NAV2: variants seen among roughly 807,000 people sequenced by gnomAD.
NAV2 encodes the protein helicase, APC down-regulated 1.
Under a neutral mutation model 223.2 loss-of-function variants are expected in NAV2, and 54 were observed. The ratio of observed to expected loss-of-function variants is 0.24; its 90% CI spans 0.19 to 0.30. The LOEUF is 0.30. Ranked by LOEUF, NAV2 falls within the 10% of genes least tolerant of loss-of-function variation. The probability of loss-of-function intolerance (pLI) is 1.00; values close to 1 mark genes in which losing one functional copy is unlikely to be tolerated. For synonymous variants in NAV2, 1,279 were observed against 1,239.3 expected, an observed-to-expected ratio of 1.03 and a Z score of -0.67; for missense variants, 2,806 against 3,147.5, an observed-to-expected ratio of 0.89 and a Z score of 2.60.
At chr11:19,849,057 T>G in intron 3 of NAV2, among the ~76,000 whole-genome samples, 1 of 152,194 alleles carries the variant, frequency 6.6e-6, no homozygotes, top group East Asian at 1.9e-4. Flanking sequence ...GATCACTCAC[T>G]ATGCACCAGA....
At chr11:19,801,506 T>G (rs934214571) in intron 1 of NAV2, among the ~76,000 whole-genome samples, 1 of 152,258 alleles carries the variant, frequency 6.6e-6, no homozygotes, top group Non-Finnish European at 1.5e-5. Context: ...GGCTTACGTC[T>G]GCCTGGATCT....
intron 1 of NAV2, among the ~76,000 whole-genome samples, chr11:19,386,011 G>A (rs11025110): frequency 0.053 from 8,046 of 152,058 alleles, 244 homozygotes; most frequent in South Asian, 0.14. Flanking sequence ...TGATCCACCC[G>A]CCCTGGCCTC....
chr11:19,782,273 C>A (rs578028221), intron 1 of NAV2, among the ~76,000 whole-genome samples: 43 of 152,164 alleles, frequency 2.8e-4, no homozygotes, highest in Middle Eastern at 3.4e-3. Flanking sequence ...TGAATTGAAA[C>A]CAAAGCATGT....
chr11:19,949,940 G>A (rs890186102), intron 10 of NAV2, among the ~76,000 whole-genome samples: 13 of 152,302 alleles, frequency 8.5e-5, no homozygotes, highest in African/African-American at 2.9e-4. Flanking sequence ...GTGAAGGGGA[G>A]TGATGAGATG....
At chr11:19,727,482 C>A (rs1037130830) in intron 1 of NAV2, among the ~76,000 whole-genome samples, 6 of 152,304 alleles carry the variant, frequency 3.9e-5, no homozygotes, top group Middle Eastern at 3.4e-3. Flanking sequence ...CCCAGGGCAC[C>A]AGTGGGAGGG....
At chr11:19,739,013 A>G (rs1488769440) in intron 1 of NAV2, among the ~76,000 whole-genome samples, 1 of 140,468 alleles carries the variant, frequency 7.1e-6, no homozygotes, top group Non-Finnish European at 1.5e-5. Flanking sequence ...AAACGCCATC[A>G]CTACAAAAAA....
At chr11:19,578,008 C>T (rs773953193) in intron 1 of NAV2, among the ~76,000 whole-genome samples, 22 of 152,206 alleles carry the variant, frequency 1.4e-4, no homozygotes, top group Non-Finnish European at 2.2e-4. Context: ...GGATCCAGAG[C>T]ATTTTCTGCT....
At chr11:19,912,002 G>A (rs1396996993) in intron 6 of NAV2, among the ~76,000 whole-genome samples, 3 of 152,124 alleles carry the variant, frequency 2.0e-5, no homozygotes, top group Non-Finnish European at 2.9e-5. Flanking sequence ...CCACTCTAGC[G>A]ATTCTAACTG....
chr11:19,744,869 T>C (rs1020442470), intron 1 of NAV2, among the ~76,000 whole-genome samples: 1 of 152,212 alleles, frequency 6.6e-6, no homozygotes, highest in Non-Finnish European at 1.5e-5. Context: ...GACTATTATA[T>C]GGCCATTGTC....
chr11:20,109,139 C>A (rs183643257), intron 36 of NAV2, among the ~76,000 whole-genome samples: 2 of 152,112 alleles, frequency 1.3e-5, no homozygotes, highest in Non-Finnish European at 2.9e-5. Context: ...TATTTTCTAT[C>A]TATGATTTAT....
chr11:19,720,816 A>G (rs1339198395), intron 1 of NAV2, among the ~76,000 whole-genome samples: 1 of 152,362 alleles, frequency 6.6e-6, no homozygotes, highest in African/African-American at 2.4e-5. Context: ...GGACTTAGCA[A>G]CTTTGGTTCT....
chr11:20,038,866 T>C (rs776319360), intron 12 of NAV2, among the ~76,000 whole-genome samples: 3 of 152,264 alleles, frequency 2.0e-5, no homozygotes, highest in Non-Finnish European at 2.9e-5. Context: ...AACAGGGAAG[T>C]TATTGTCTGG....
At chr11:20,004,781 G>A (rs1242533927) in intron 11 of NAV2, among the ~76,000 whole-genome samples, 2 of 152,156 alleles carry the variant, frequency 1.3e-5, no homozygotes. Context: ...GTGTTTTAGG[G>A]AGTCAGGGTT....
At chr11:19,869,674 A>G (rs533329768) in intron 4 of NAV2, among the ~76,000 whole-genome samples, 2 of 152,268 alleles carry the variant, frequency 1.3e-5, no homozygotes, top group Non-Finnish European at 2.9e-5. Flanking sequence ...GAGCTGCCAT[A>G]GGCCCAGGCA....
At chr11:19,683,670 A>T (rs747071215) in intron 1 of NAV2, among the ~76,000 whole-genome samples, 1 of 152,230 alleles carries the variant, frequency 6.6e-6, no homozygotes, top group Non-Finnish European at 1.5e-5. Context: ...GCATCCAGAA[A>T]GGCTGGGCTT....
Position 19,716,412 on chromosome 11 carries a change from AAAAT to A in NAV2, c.267+2453_267+2456del, listed in dbSNP as rs145380130. On this transcript the variant is annotated intron_variant, in intron 1 of 37. Coordinates refer to ENST00000349880, the MANE Select transcript of NAV2 (RefSeq NM_145117.5). ...ACCATTAGAGTTGTGAGCATTAAGA[AAAAT>A]AACGTAAAGTGTTCAGTGCAGTGTC... 3.1e-3 allele frequency among the ~76,000 whole-genome samples: 469 copies of A among 152,358 alleles called. 5 individuals are homozygous for A. The highest frequency in any genetic ancestry group is 0.011 in the African/African-American group (442 of 41,588).
At chr11:19,402,368 C>T (rs769855457) in intron 1 of NAV2, among the ~76,000 whole-genome samples, 1 of 152,188 alleles carries the variant, frequency 6.6e-6, no homozygotes, top group Non-Finnish European at 1.5e-5. Context: ...TATAAATGGG[C>T]TGATACATGC....
intron 1 of NAV2, among the ~76,000 whole-genome samples, chr11:19,451,019 C>T (rs1851770989): frequency 6.6e-6 from 1 of 152,078 alleles, no homozygotes; most frequent in South Asian, 2.1e-4. Flanking sequence ...ATCAGAGTGG[C>T]CACTTAGTAA....
chr11:19,739,693 C>T (rs1031689019), intron 1 of NAV2, among the ~76,000 whole-genome samples: 13 of 152,152 alleles, frequency 8.5e-5, no homozygotes, highest in African/African-American at 3.1e-4. Flanking sequence ...AGCTTCTTGG[C>T]CCCTATGGGA....
Sources: allele counts gnomAD v4.1 joint callset (sites outside exome capture counted in the v4.1 genomes callset), GRCh38; gene constraint gnomAD v4.1.1; transcripts MANE v1.5; gene names NCBI Gene and HGNC (gene_info 2026-07-23, HGNC 2026-07-21).